The following PRCP variants were observed in gnomAD, a reference collection of about 807,000 sequenced individuals.
PRCP encodes prolylcarboxypeptidase.
A neutral mutation model predicts 54.2 loss-of-function variants in PRCP; 46 were observed. The observed-to-expected ratio is 0.85, with a 90% confidence interval of 0.67 to 1.09. The LOEUF is 1.09. Among genes scored for constraint, PRCP ranks in the 50% least tolerant of loss-of-function variants. The pLI, the probability that PRCP is intolerant of heterozygous loss-of-function variation, is 0.00. For missense variants in PRCP, 613 were observed against 596.8 expected (o/e 1.03, Z -0.28); for synonymous variants, 240 against 212.2 (o/e 1.13, Z -1.14).
Position 82,838,451 on chromosome 11 carries a change from G to C in PRCP, c.1210C>G (p.Pro404Ala), listed in dbSNP as rs1452900998. ...CFQQWGVRPR[P>A]SWITTMYGGK... is the part of the protein sequence containing the mutation. ...CCATACATAGTAGTGATCCAGGAGG[G>C]CCTTGGTCTCACACCCCACTGTTGA... The change falls in exon 8 of 9, where the codon CCC becomes GCC. Residue 404 changes from proline (P) to alanine (A), a missense_variant. By Grantham distance (27) the Pro-to-Ala change is conservative. Transcript: ENST00000313010. 4 of 1,613,902 alleles carry C rather than the reference G, an allele frequency of 2.5e-6. No individual in the cohort carries two copies. Among genetic ancestry groups the C allele is most frequent in the Non-Finnish European group, 3.4e-6 (4 of 1,179,950 alleles).
chr11:82,870,745 G>A (rs192591656), intron 1 of PRCP, among the ~76,000 whole-genome samples: 18 of 152,272 alleles, frequency 1.2e-4, no homozygotes, highest in Admixed American at 2.0e-4. Flanking sequence ...ATAATCTGCC[G>A]CTTAGCAGAT....
chr11:82,880,836 G>GAA (rs35371555), intron 1 of PRCP, among the ~76,000 whole-genome samples: 15 of 137,900 alleles, frequency 1.1e-4, no homozygotes, highest in Non-Finnish European at 9.4e-5. Context: ...CCTTATGGAG[G>GAA]AAAAAAAAAA....
intron 1 of PRCP, among the ~76,000 whole-genome samples, chr11:82,889,040 A>C (rs1268314403): frequency 8.0e-6 from 1 of 124,282 alleles, no homozygotes; most frequent in Non-Finnish European, 1.6e-5. Context: ...AAAAGATTTG[A>C]CCAATCACAC....
At chr11:82,826,430 T>C (rs938723834) in intron 8 of PRCP, 1 of 152,238 alleles carries the variant, frequency 6.6e-6, no homozygotes, top group Non-Finnish European at 1.5e-5. Context: ...CCTTTGAACA[T>C]TCACATACAA....
chr11:82,830,220 A>T (rs1858343705), intron 8 of PRCP: 1 of 152,220 alleles, frequency 6.6e-6, no homozygotes, highest in South Asian at 2.1e-4. Context: ...TAAGCATAAT[A>T]AGTATTACCA....
intron 1 of PRCP, 32 bp downstream of exon 1, chr11:82,900,203 C>T (rs1023814828): frequency 6.2e-7 from 1 of 1,611,558 alleles, no homozygotes. Flanking sequence ...GGCGGTTGGG[C>T]CTGGGACGGC....
intron 1 of PRCP, among the ~76,000 whole-genome samples, chr11:82,873,246 A>G (rs953531980): frequency 6.6e-6 from 1 of 152,190 alleles, no homozygotes. Context: ...TACACCCCAG[A>G]AAGATCTCAA....
intron 1 of PRCP, among the ~76,000 whole-genome samples, chr11:82,889,635 T>C (rs1859955795): frequency 6.6e-6 from 1 of 151,586 alleles, no homozygotes; most frequent in South Asian, 2.1e-4. Flanking sequence ...AAAAATGGAA[T>C]GGGATTGATA....
At chr11:82,884,964 T>C in intron 1 of PRCP, 4 of 1,569,430 alleles carry the variant, frequency 2.5e-6, no homozygotes, top group Non-Finnish European at 3.4e-6. Flanking sequence ...GCTCAAACAA[T>C]ATATGCCATC....
At chr11:82,825,285 A>G in intron 8 of PRCP, 163 bp from the exon 9 acceptor site, 1 of 662,610 alleles carries the variant, frequency 1.5e-6, no homozygotes, top group Non-Finnish European at 2.5e-6. Flanking sequence ...TAGATACTTC[A>G]TACTGGAGTT....
intron 2 of PRCP, among the ~76,000 whole-genome samples, chr11:82,854,014 A>G (rs1055835339): frequency 6.6e-6 from 1 of 152,224 alleles, no homozygotes; most frequent in Non-Finnish European, 1.5e-5. Flanking sequence ...GCAACATAAT[A>G]AAAGCCATCT....
intron 1 of PRCP, among the ~76,000 whole-genome samples, chr11:82,878,629 C>T (rs1339751173): frequency 6.6e-6 from 1 of 152,198 alleles, no homozygotes; most frequent in Non-Finnish European, 1.5e-5. Context: ...GCAGTTTCTT[C>T]CTAGCACTGA....
In PRCP at chr11:82,824,846, G is replaced by A; in HGVS notation, c.*60C>T. The A allele has an allele frequency of 6.7e-7, 1 of 1,487,012 alleles. No individual in the cohort carries two copies. The highest frequency in any genetic ancestry group is 1.4e-5 in the African/African-American group (1 of 71,962). The allele number at this position is 1,487,012 out of a possible 1,614,324, so 92.1% of individuals were successfully genotyped here. A position where few individuals can be genotyped will look rare whatever the true frequency, so the allele number is the denominator to read the frequency against. ...AGGTAATTACATGTAGAAAATCAAA[G>A]TGAATGGGAATGTGGTGGTGTGAAC... On this transcript the variant is annotated 3_prime_UTR_variant, in exon 9 of 9. Transcript: ENST00000313010.
intron 1 of PRCP, among the ~76,000 whole-genome samples, chr11:82,863,434 C>G (rs1415505051): frequency 6.6e-6 from 1 of 152,146 alleles, no homozygotes; most frequent in African/African-American, 2.4e-5. Context: ...CGAAACTCAG[C>G]AGGTTTCAAC....
intron 2 of PRCP, among the ~76,000 whole-genome samples, chr11:82,856,815 G>A (rs566290634): frequency 1.3e-5 from 2 of 152,236 alleles, no homozygotes; most frequent in East Asian, 1.9e-4. Context: ...TTGGGAGGCC[G>A]AGGCGGGCGG....
At chr11:82,866,641 T>G (rs548067135) in intron 1 of PRCP, among the ~76,000 whole-genome samples, 1 of 152,288 alleles carries the variant, frequency 6.6e-6, no homozygotes, top group Admixed American at 6.5e-5. Flanking sequence ...CAGCCTCCTA[T>G]ACTCAGATGG....
rs1591040164 is a variant in PRCP, at chr11:82,838,572, G to A, written c.1089C>T (p.Ala363=). ...AAAAGGGCATGACTACTTCTGTGCA[G>A]GCCTAAGAAGCAAACCAAGAGAGAA... ...SLGTLGWSYQ[A]CTEVVMPFCT... The change falls in exon 8 of 9, where the codon GCC becomes GCT. Residue 363 remains alanine (A), a splice_region_variant and synonymous_variant. Coordinates refer to ENST00000313010, the MANE Select transcript of PRCP (RefSeq NM_005040.4). 16 of 1,607,478 alleles carry A rather than the reference G, an allele frequency of 1.0e-5. No homozygotes were observed. In the East Asian group the frequency reaches 3.6e-4, roughly 36 times the overall value.
At chr11:82,900,451 A>T (rs1426050308), upstream of PRCP, 6 of 1,587,564 alleles carry the variant, frequency 3.8e-6, no homozygotes, top group Non-Finnish European at 4.3e-6. Flanking sequence ...AAAGGAGGCC[A>T]GCAGAAGCGC....
chr11:82,834,268 T>C (rs1858464112), intron 8 of PRCP, among the ~76,000 whole-genome samples: 1 of 152,256 alleles, frequency 6.6e-6, no homozygotes, highest in Non-Finnish European at 1.5e-5. Flanking sequence ...GCAGTGCTAG[T>C]GGACTAAGAC....
Sources: allele counts gnomAD v4.1 joint callset (sites outside exome capture counted in the v4.1 genomes callset), GRCh38; gene constraint gnomAD v4.1.1; transcripts MANE v1.5; gene names NCBI Gene and HGNC (gene_info 2026-07-23, HGNC 2026-07-21).